The following OXR1 variants were observed in gnomAD, a reference collection of about 807,000 sequenced individuals.
The protein encoded by OXR1 is oxidation resistance 1, also known as oxidation resistance protein 1.
A neutral mutation model predicts 104.6 loss-of-function variants in OXR1; 41 were observed. The ratio of observed to expected loss-of-function variants is 0.39; its 90% CI spans 0.31 to 0.51. The LOEUF is 0.51. Among genes scored for constraint, OXR1 ranks in the 20% least tolerant of loss-of-function variants. OXR1 has a pLI of 0.77. For synonymous variants in OXR1, 348 were observed against 348.4 expected (o/e 1.00, Z 0.01); for missense variants, 955 against 1,031.9 (o/e 0.93, Z 1.02).
At chr8:106,693,424 C>CTTTTTTTTTTTTTTT (rs11384137) in intron 7 of OXR1, among the ~76,000 whole-genome samples, 1 of 97,556 alleles carries the variant, frequency 1.0e-5, no homozygotes, top group Non-Finnish European at 2.0e-5. Flanking sequence ...TAGTCAGAAT[C>CTTTTTTTTTTTTTTT]TTTTTTTTTT....
chr8:106,339,727 TA>T lies in OXR1; in HGVS notation c.-138-19740del, dbSNP rs550793292. On this transcript the variant is annotated intron_variant, in intron 1 of 16. Coordinates refer to ENST00000517566, the MANE Select transcript of OXR1 (RefSeq NM_001198533.2). ...TATTCATTATTCTTTCTTCCTTTGA[TA>T]AAAAAAAATACTTCTTTCTATGCTA... Among the ~76,000 whole-genome samples, 299 of 149,148 alleles carry T rather than the reference TA, an allele frequency of 2.0e-3. 1 individual carries two copies. The highest frequency in any genetic ancestry group is 6.3e-3 in the African/African-American group (257 of 40,788).
At chr8:106,328,367 C>T (rs1279148173) in intron 1 of OXR1, among the ~76,000 whole-genome samples, 1 of 152,102 alleles carries the variant, frequency 6.6e-6, no homozygotes, top group Admixed American at 6.6e-5. Flanking sequence ...AGCAGCAATA[C>T]CAAATTCCAG....
rs917481591 is a variant in OXR1, at chr8:106,409,611, A to G, written c.23+49975A>G. Among the ~76,000 whole-genome samples the G allele has an allele frequency of 1.1e-4, 17 of 152,222 alleles. 1 individual carries two copies. The highest frequency in any genetic ancestry group is 1.1e-3 in the Admixed American group (17 of 15,276). On this transcript the variant is annotated intron_variant, in intron 2 of 16. Coordinates refer to ENST00000517566, the MANE Select transcript of OXR1 (RefSeq NM_001198533.2). ...TTAGTGTAACTTTAAAGCTCAAAGGAATGACATCCATGGAAATTAATTCAC... is the reference window on the plus strand; with the variant it reads ...TTAGTGTAACTTTAAAGCTCAAAGGGATGACATCCATGGAAATTAATTCAC...
chr8:106,521,831 G>T (rs574939969), intron 3 of OXR1, among the ~76,000 whole-genome samples: 2 of 152,212 alleles, frequency 1.3e-5, no homozygotes, highest in Admixed American at 1.3e-4. Context: ...AGATTTTATG[G>T]ATAATATAGT....
intron 1 of OXR1, among the ~76,000 whole-genome samples, chr8:106,270,573 C>T (rs1051099674): frequency 3.3e-5 from 5 of 152,086 alleles, no homozygotes; most frequent in Admixed American, 6.5e-5. Context: ...AGCAGGAGGG[C>T]AGAACTAGCT....
chr8:106,529,218 T>G (rs1813911081), intron 3 of OXR1, among the ~76,000 whole-genome samples: 1 of 152,196 alleles, frequency 6.6e-6, no homozygotes, highest in Admixed American at 6.5e-5. Context: ...CATTTGTGGA[T>G]TAATAAGACC....
chr8:106,299,051 C>T (rs926259510), intron 1 of OXR1, among the ~76,000 whole-genome samples: 2 of 151,784 alleles, frequency 1.3e-5, no homozygotes, highest in Admixed American at 6.6e-5. Context: ...CAATATTGTA[C>T]GTTAACAATC....
chr8:106,711,386 T>G (rs1831672597), intron 10 of OXR1, among the ~76,000 whole-genome samples: 1 of 152,152 alleles, frequency 6.6e-6, no homozygotes, highest in Non-Finnish European at 1.5e-5. Flanking sequence ...TAAAATTACT[T>G]TAACAGTTAG....
chr8:106,750,433 C>A (rs1449957286), intron 16 of OXR1, among the ~76,000 whole-genome samples: 2 of 148,910 alleles, frequency 1.3e-5, no homozygotes, highest in Non-Finnish European at 3.0e-5. Context: ...TCAAGTGCTT[C>A]TCCTGCCTCT....
chr8:106,581,406 G>A (rs1440109519), intron 3 of OXR1, among the ~76,000 whole-genome samples: 2 of 151,952 alleles, frequency 1.3e-5, no homozygotes, highest in Non-Finnish European at 2.9e-5. Flanking sequence ...TCGGATATTT[G>A]TTTAGTGGCC....
intron 2 of OXR1, among the ~76,000 whole-genome samples, chr8:106,514,529 G>A (rs914361826): frequency 2.0e-5 from 3 of 152,122 alleles, no homozygotes; most frequent in Admixed American, 6.6e-5. Flanking sequence ...TGAGGAGGGG[G>A]AGAAAGAAGA....
chr8:106,526,833 G>A (rs893363390), intron 3 of OXR1, among the ~76,000 whole-genome samples: 80 of 152,290 alleles, frequency 5.3e-4, no homozygotes, highest in Admixed American at 3.1e-3. Flanking sequence ...GTGAGCCACC[G>A]CGCCATGTAT....
intron 2 of OXR1, among the ~76,000 whole-genome samples, chr8:106,394,681 GA>G (rs1358446025): frequency 6.6e-6 from 1 of 152,076 alleles, no homozygotes; most frequent in Non-Finnish European, 1.5e-5. Flanking sequence ...CTAGACCCAG[GA>G]AGCTACATAT....
At chr8:106,619,693 A>C (rs3134135) in intron 3 of OXR1, among the ~76,000 whole-genome samples, 52,651 of 152,000 alleles carry the variant, frequency 0.35, 9,531 homozygotes, top group African/African-American at 0.44. Flanking sequence ...TTTTAGTATT[A>C]AACATGGAGC....
chr8:106,344,697 C>T (rs1014210782), intron 1 of OXR1, among the ~76,000 whole-genome samples: 2 of 152,170 alleles, frequency 1.3e-5, no homozygotes, highest in African/African-American at 4.8e-5. Context: ...GCCTTTCTCC[C>T]AGTAGAAGCA....
Position 106,530,052 on chromosome 8 carries a change from G to A in OXR1, c.220+10913G>A, listed in dbSNP as rs147599205. Among the ~76,000 whole-genome samples, 17 of 152,170 alleles carry A rather than the reference G, an allele frequency of 1.1e-4. No homozygotes were observed. In the South Asian group the frequency reaches 1.7e-3, roughly 15 times the overall value. ...TCCCATTTCACTGAATAATGGTGAGGGGAAGAAAATGACAAATTATTAAGC... is the reference window on the plus strand; with the variant it reads ...TCCCATTTCACTGAATAATGGTGAGAGGAAGAAAATGACAAATTATTAAGC... On this transcript the variant is annotated intron_variant, in intron 3 of 16. Coordinates refer to ENST00000517566, the MANE Select transcript of OXR1 (RefSeq NM_001198533.2).
At chr8:106,691,068 T>C (rs1268675698) in intron 6 of OXR1, among the ~76,000 whole-genome samples, 1 of 152,032 alleles carries the variant, frequency 6.6e-6, no homozygotes, top group South Asian at 2.1e-4. Flanking sequence ...TTGTATAATA[T>C]ATTCTACAAA....
rs150274313 is a variant in OXR1 at position 106,302,365 on chromosome 8, G to T, written c.-139+31998G>T. Among the ~76,000 whole-genome samples, 934 of 152,168 alleles carry T rather than the reference G, an allele frequency of 6.1e-3. 2 individuals are homozygous for T. Among genetic ancestry groups the T allele is most frequent in the Non-Finnish European group, 9.1e-3 (621 of 67,990 alleles). On this transcript the variant is annotated intron_variant, in intron 1 of 16. Coordinates refer to ENST00000517566, the MANE Select transcript of OXR1 (RefSeq NM_001198533.2). ...TGGGAGGCCGAGGCGGGTGGATCACGAGGTCAGGAGATCGAGATCATCCTG... is the reference window on the plus strand; with the variant it reads ...TGGGAGGCCGAGGCGGGTGGATCACTAGGTCAGGAGATCGAGATCATCCTG...
chr8:106,681,507 T>G (rs1563699618), intron 4 of OXR1, among the ~76,000 whole-genome samples: 1 of 152,138 alleles, frequency 6.6e-6, no homozygotes. Flanking sequence ...TAATTCTAAA[T>G]GCCTCTTTTT....
Sources: allele counts gnomAD v4.1 joint callset (sites outside exome capture counted in the v4.1 genomes callset), GRCh38; gene constraint gnomAD v4.1.1; transcripts MANE v1.5; gene names NCBI Gene and HGNC (gene_info 2026-07-23, HGNC 2026-07-21).